PGCKA1: variants seen among roughly 807,000 people sequenced by gnomAD.
The protein encoded by PGCKA1 is PDCD10 and GCKIII kinases associated 1, also known as PDCD10 and GCKIII kinases-associated protein 1.
the PGCKA1 span, among the ~76,000 whole-genome samples, chr4:37,559,872 C>T: frequency 2.0e-5 from 3 of 152,188 alleles, no homozygotes; most frequent in Non-Finnish European, 2.9e-5. Flanking sequence ...CTCTGTGTCT[C>T]CTGAAAGTGG....
At chr4:37,509,623 G>T in the PGCKA1 span, among the ~76,000 whole-genome samples, 1 of 151,494 alleles carries the variant, frequency 6.6e-6, no homozygotes, top group African/African-American at 2.4e-5. Context: ...GCTGGGAGGT[G>T]GAGGTTGTAG....
At chr4:37,586,281 A>C in the PGCKA1 span, among the ~76,000 whole-genome samples, 1 of 152,256 alleles carries the variant, frequency 6.6e-6, no homozygotes, top group Admixed American at 6.5e-5. Flanking sequence ...AAATGTCTTG[A>C]TTGGTTGCAG....
At chr4:37,574,803 A>G in the PGCKA1 span, among the ~76,000 whole-genome samples, 1 of 149,814 alleles carries the variant, frequency 6.7e-6, no homozygotes, top group South Asian at 2.1e-4. Flanking sequence ...TCTACTCTCT[A>G]TCTCCTGAAG....
the PGCKA1 span, among the ~76,000 whole-genome samples, chr4:37,463,810 C>CAAAAAAAAAA: frequency 7.8e-6 from 1 of 128,228 alleles, no homozygotes. Context: ...TTTATATAAC[C>CAAAAAAAAAA]AAAAAAAAAA....
At chr4:37,455,263 T>C in the PGCKA1 span, among the ~76,000 whole-genome samples, 1 of 152,218 alleles carries the variant, frequency 6.6e-6, no homozygotes. Context: ...TTAAAGATCA[T>C]AGACCACCTT....
At chr4:37,502,400 G>A in the PGCKA1 span, among the ~76,000 whole-genome samples, 1 of 152,196 alleles carries the variant, frequency 6.6e-6, no homozygotes, top group Non-Finnish European at 1.5e-5. Flanking sequence ...TAGCACGTGG[G>A]TAGGGTGCTG....
the PGCKA1 span, among the ~76,000 whole-genome samples, chr4:37,546,321 G>C: frequency 6.6e-6 from 1 of 152,184 alleles, no homozygotes; most frequent in Non-Finnish European, 1.5e-5. Flanking sequence ...GACTGGGCCT[G>C]CCTGGCCTAA....
chr4:37,490,276 C>T, the PGCKA1 span, among the ~76,000 whole-genome samples: 3 of 152,106 alleles, frequency 2.0e-5, no homozygotes, highest in South Asian at 2.1e-4. Context: ...TACACAAAGT[C>T]GTAAAGTTAG....
chr4:37,588,767 A>AG, the PGCKA1 span: 1 of 1,019,334 alleles, frequency 9.8e-7, no homozygotes, highest in South Asian at 1.3e-5. Context: ...TTGAGTCTCT[A>AG]GGGAAAAAAA....
chr4:37,457,539 A>G, the PGCKA1 span, among the ~76,000 whole-genome samples: 2 of 152,246 alleles, frequency 1.3e-5, no homozygotes, highest in Non-Finnish European at 2.9e-5. Flanking sequence ...GTAGATGTCT[A>G]CACACAGGAG....
the PGCKA1 span, among the ~76,000 whole-genome samples, chr4:37,526,652 G>A: frequency 6.6e-6 from 1 of 152,114 alleles, no homozygotes; most frequent in Non-Finnish European, 1.5e-5. Context: ...AATTACTACT[G>A]CCTAGTGACA....
chr4:37,588,868 A>G, the PGCKA1 span: 17 of 1,613,194 alleles, frequency 1.1e-5, no homozygotes, highest in Non-Finnish European at 1.4e-5. Flanking sequence ...AACAATCCAG[A>G]TGGGGTGCAG....
the PGCKA1 span, among the ~76,000 whole-genome samples, chr4:37,476,790 A>T: frequency 6.6e-6 from 1 of 152,208 alleles, no homozygotes; most frequent in Non-Finnish European, 1.5e-5. Context: ...ACATGTTAAA[A>T]ATAATGAATT....
chr4:37,536,461 A>G, the PGCKA1 span, among the ~76,000 whole-genome samples: 1 of 152,122 alleles, frequency 6.6e-6, no homozygotes, highest in Non-Finnish European at 1.5e-5. Context: ...CTGTCAGTCA[A>G]GCTGTCAGTC....
chr4:37,545,410 G>A, the PGCKA1 span, among the ~76,000 whole-genome samples: 4 of 152,128 alleles, frequency 2.6e-5, no homozygotes, highest in Admixed American at 6.5e-5. Flanking sequence ...TGGCTGAGAC[G>A]GAAAGTAGAA....
At chr4:37,531,708 T>C in the PGCKA1 span, among the ~76,000 whole-genome samples, 3 of 150,942 alleles carry the variant, frequency 2.0e-5, no homozygotes, top group Non-Finnish European at 4.4e-5. Flanking sequence ...CTGGCTAACA[T>C]GGTGAAACCC....
chr4:37,526,867 A>G, the PGCKA1 span, among the ~76,000 whole-genome samples: 2 of 152,166 alleles, frequency 1.3e-5, no homozygotes, highest in Non-Finnish European at 2.9e-5. Context: ...ACTTATTTAA[A>G]AAAAAAGTTG....
At chr4:37,476,532 G>C in the PGCKA1 span, among the ~76,000 whole-genome samples, 2 of 152,074 alleles carry the variant, frequency 1.3e-5, no homozygotes, top group Non-Finnish European at 2.9e-5. Flanking sequence ...AGTAGCTGTT[G>C]AAACAGGATA....
chr4:37,592,596 ACTAT>A, the PGCKA1 span, among the ~76,000 whole-genome samples: 138 of 152,330 alleles, frequency 9.1e-4, 2 homozygotes, highest in East Asian at 0.025. Context: ...GATGCTCAAA[ACTAT>A]CTAGAAAAAA....
Sources: gnomAD v4.1 joint callset for allele counts (sites outside exome capture counted in the v4.1 genomes callset) on GRCh38, gnomAD v4.1.1 for gene constraint, MANE v1.5 for transcripts, NCBI Gene and HGNC (gene_info 2026-07-23, HGNC 2026-07-21) for gene names.